CNTN5: variants seen among roughly 807,000 people sequenced by gnomAD.
CNTN5 encodes contactin-5.
A neutral mutation model predicts 129.1 loss-of-function variants in CNTN5; 77 were observed. That is an observed-to-expected ratio of 0.60 (90% CI 0.50 to 0.72). CNTN5 has a LOEUF of 0.72. Among genes scored for constraint, CNTN5 ranks in the 30% least tolerant of loss-of-function variants. The pLI is 0.00. For synonymous variants in CNTN5, 509 were observed against 465.6 expected (o/e 1.09, Z -1.20); for missense variants, 1,478 against 1,328.8 (o/e 1.11, Z -1.75).
intron 13 of CNTN5, among the ~76,000 whole-genome samples, chr11:100,115,751 A>G (rs1270604597): frequency 6.6e-6 from 1 of 152,012 alleles, no homozygotes; most frequent in South Asian, 2.1e-4. Context: ...AGATTGTTCT[A>G]TTTTTTCCTA....
intron 18 of CNTN5, among the ~76,000 whole-genome samples, chr11:100,285,438 G>A (rs184734016): frequency 7.9e-4 from 120 of 152,254 alleles, no homozygotes; most frequent in Middle Eastern, 6.8e-3. Flanking sequence ...ACTCCACAGA[G>A]CATGCATGCC....
intron 3 of CNTN5, among the ~76,000 whole-genome samples, chr11:99,695,610 A>G (rs1391349657): frequency 1.3e-5 from 2 of 152,040 alleles, no homozygotes; most frequent in Admixed American, 6.6e-5. Context: ...ACTAAGGGCC[A>G]GGCACGGTGG....
intron 2 of CNTN5, among the ~76,000 whole-genome samples, chr11:99,401,813 A>C (rs1941825181): frequency 6.6e-6 from 1 of 151,642 alleles, no homozygotes; most frequent in Non-Finnish European, 1.5e-5. Flanking sequence ...AGTTAACTTA[A>C]TGCCTAGATG....
chr11:99,261,891 C>T (rs1862646007), intron 1 of CNTN5, among the ~76,000 whole-genome samples: 1 of 151,974 alleles, frequency 6.6e-6, no homozygotes. Flanking sequence ...TAGAGCCTTC[C>T]TAAGCCAAAT....
At chr11:99,935,722 G>T (rs1300622774) in intron 7 of CNTN5, among the ~76,000 whole-genome samples, 1 of 152,192 alleles carries the variant, frequency 6.6e-6, no homozygotes, top group South Asian at 2.1e-4. Flanking sequence ...CTTTCAAAAA[G>T]AGTGTAACAA....
At chr11:99,029,841 C>T (rs1187386731) in intron 1 of CNTN5, among the ~76,000 whole-genome samples, 1 of 152,106 alleles carries the variant, frequency 6.6e-6, no homozygotes, top group Non-Finnish European at 1.5e-5. Flanking sequence ...CCTTGCTTCT[C>T]TCCCTAGTTT....
At chr11:100,113,638 CAA>C (rs1315349889) in intron 13 of CNTN5, among the ~76,000 whole-genome samples, 2 of 151,786 alleles carry the variant, frequency 1.3e-5, no homozygotes, top group Admixed American at 1.3e-4. Flanking sequence ...TAGCATATGA[CAA>C]TACTGAATGC....
chr11:99,502,002 C>T (rs1036570411), intron 2 of CNTN5, among the ~76,000 whole-genome samples: 10 of 152,300 alleles, frequency 6.6e-5, no homozygotes, highest in South Asian at 2.1e-4. Flanking sequence ...AGGTACAACG[C>T]TGATGGCTCT....
At chr11:99,175,805 A>G (rs1305325904) in intron 1 of CNTN5, among the ~76,000 whole-genome samples, 1 of 152,150 alleles carries the variant, frequency 6.6e-6, no homozygotes, top group Non-Finnish European at 1.5e-5. Flanking sequence ...TCTAAGTTAA[A>G]GAGATAACCT....
chr11:100,346,534 G>A (rs1406984221), intron 23 of CNTN5, among the ~76,000 whole-genome samples: 1 of 152,036 alleles, frequency 6.6e-6, no homozygotes, highest in African/African-American at 2.4e-5. Context: ...AACAAAAACT[G>A]TTATCCCTTC....
rs779500590 is a variant in CNTN5, at chr11:99,041,662, A to G, written c.-210+20392A>G. On this transcript the variant is annotated intron_variant, in intron 1 of 24. Transcript: ENST00000524871. ...AATGTCACTTAAATTTACTACAATA[A>G]TAAGTAGCATAATAGCAATAAAGAG... 1.6e-4 allele frequency among the ~76,000 whole-genome samples: 24 copies of G among 152,334 alleles called. No individual in the cohort carries two copies. The Middle Eastern group carries it at 0.01, about 65-fold the overall frequency.
chr11:99,684,516 A>T (rs898239566), intron 3 of CNTN5, among the ~76,000 whole-genome samples: 2 of 151,890 alleles, frequency 1.3e-5, no homozygotes, highest in Non-Finnish European at 2.9e-5. Context: ...TGCCATTATA[A>T]TATTGCATAA....
chr11:99,320,557 G>A (rs983749954), intron 1 of CNTN5, among the ~76,000 whole-genome samples: 10 of 151,930 alleles, frequency 6.6e-5, no homozygotes, highest in Admixed American at 3.9e-4. Flanking sequence ...CAAACACGGA[G>A]GAATTCAACA....
At chr11:99,866,189 T>C (rs1948350504) in intron 6 of CNTN5, among the ~76,000 whole-genome samples, 1 of 152,176 alleles carries the variant, frequency 6.6e-6, no homozygotes, top group South Asian at 2.1e-4. Context: ...TTTTGCTCTC[T>C]AGTGCACTTC....
At chr11:99,526,103 A>T (rs1329800754) in intron 2 of CNTN5, among the ~76,000 whole-genome samples, 1 of 152,224 alleles carries the variant, frequency 6.6e-6, no homozygotes, top group African/African-American at 2.4e-5. Flanking sequence ...TTAAGCAAAA[A>T]ACTGTAAGGC....
At chr11:99,600,080 G>A (rs1040225253) in intron 3 of CNTN5, among the ~76,000 whole-genome samples, 1 of 152,094 alleles carries the variant, frequency 6.6e-6, no homozygotes, top group African/African-American at 2.4e-5. Context: ...CTCAGTCGTT[G>A]ATAGCAGAGT....
intron 3 of CNTN5, among the ~76,000 whole-genome samples, chr11:99,557,721 T>C (rs1948718829): frequency 6.6e-6 from 1 of 151,256 alleles, no homozygotes; most frequent in South Asian, 2.1e-4. Flanking sequence ...GTCTTCTTTA[T>C]AACTGAAAAG....
intron 18 of CNTN5, among the ~76,000 whole-genome samples, chr11:100,295,446 TTTTAA>T (rs1162283228): frequency 6.6e-6 from 1 of 151,514 alleles, no homozygotes; most frequent in Non-Finnish European, 1.5e-5. Context: ...ACTTGTTTTT[TTTTAA>T]TTTTTTACTC....
chr11:99,507,401 G>A (rs973547469), intron 2 of CNTN5, among the ~76,000 whole-genome samples: 7 of 148,902 alleles, frequency 4.7e-5, no homozygotes, highest in South Asian at 4.2e-4. Flanking sequence ...AAAAAGAAAG[G>A]TTTTTCAAAA....
Sources: gnomAD v4.1 joint callset for allele counts (sites outside exome capture counted in the v4.1 genomes callset) on GRCh38, gnomAD v4.1.1 for gene constraint, MANE v1.5 for transcripts, NCBI Gene and HGNC (gene_info 2026-07-23, HGNC 2026-07-21) for gene names.